The following PRKG1 variants were observed in gnomAD, a reference collection of about 807,000 sequenced individuals.
PRKG1 encodes the protein protein kinase cGMP-dependent 1.
Under a neutral mutation model 88.1 loss-of-function variants are expected in PRKG1, and 35 were observed. That is an observed-to-expected ratio of 0.40 (90% CI 0.30 to 0.53). The LOEUF (loss-of-function observed/expected upper bound fraction) is 0.53, where lower values mean the gene tolerates loss of function less well. PRKG1 is among the 20% of genes least tolerant of loss of function. The probability of loss-of-function intolerance (pLI) is 0.59; values close to 1 mark genes in which losing one functional copy is unlikely to be tolerated. For missense variants in PRKG1, 540 were observed against 839.8 expected (o/e 0.64, Z 4.41); for synonymous variants, 303 against 292.5 (o/e 1.04, Z -0.37).
At chr10:51,318,974 A>G (rs1841388699) in intron 2 of PRKG1, among the ~76,000 whole-genome samples, 1 of 152,236 alleles carries the variant, frequency 6.6e-6, no homozygotes. Flanking sequence ...CACTTCATGC[A>G]TAACTGCTGG....
intron 2 of PRKG1, among the ~76,000 whole-genome samples, chr10:51,368,122 T>C (rs188466736): frequency 1.7e-4 from 26 of 152,166 alleles, no homozygotes; most frequent in African/African-American, 5.3e-4. Context: ...CTTATGCAGT[T>C]TTATCTAATA....
At chr10:51,218,968 T>C (rs1158110180) in intron 2 of PRKG1, among the ~76,000 whole-genome samples, 2 of 152,144 alleles carry the variant, frequency 1.3e-5, no homozygotes, top group Non-Finnish European at 2.9e-5. Flanking sequence ...CTTGGGCAAG[T>C]TATTTAACCT....
intron 17 of PRKG1, among the ~76,000 whole-genome samples, chr10:52,292,402 C>A (rs1241698981): frequency 6.6e-6 from 1 of 151,836 alleles, no homozygotes; most frequent in African/African-American, 2.4e-5. Flanking sequence ...TTAGGTCTAA[C>A]GTTTAAGTCT....
intron 17 of PRKG1, among the ~76,000 whole-genome samples, chr10:52,292,358 A>G (rs1842269330): frequency 6.6e-6 from 1 of 151,936 alleles, no homozygotes; most frequent in Non-Finnish European, 1.5e-5. Context: ...CCTGAATGGT[A>G]ATGCCTAGGT....
chr10:51,552,739 T>A (rs577629596), intron 3 of PRKG1, among the ~76,000 whole-genome samples: 3 of 151,648 alleles, frequency 2.0e-5, no homozygotes, highest in Non-Finnish European at 4.4e-5. Flanking sequence ...CAGGCTGTTG[T>A]GAAATCAAGT....
At chr10:51,439,100 A>G (rs1392430998) in intron 2 of PRKG1, among the ~76,000 whole-genome samples, 1 of 151,722 alleles carries the variant, frequency 6.6e-6, no homozygotes, top group Non-Finnish European at 1.5e-5. Context: ...TTAGTCAAAT[A>G]GGTAGTTGCA....
intron 7 of PRKG1, among the ~76,000 whole-genome samples, chr10:52,115,458 A>G (rs528310303): frequency 2.2e-4 from 33 of 152,234 alleles, no homozygotes; most frequent in African/African-American, 7.5e-4. Flanking sequence ...CCTATACACA[A>G]TACTTCTCAT....
At chr10:51,412,417 G>A (rs928529405) in intron 2 of PRKG1, among the ~76,000 whole-genome samples, 2 of 152,004 alleles carry the variant, frequency 1.3e-5, no homozygotes, top group African/African-American at 4.8e-5. Flanking sequence ...AGATAAGGCA[G>A]GTAGATCATG....
chr10:52,124,504 A>C (rs1847888102), intron 7 of PRKG1, among the ~76,000 whole-genome samples: 2 of 152,304 alleles, frequency 1.3e-5, no homozygotes, highest in Middle Eastern at 6.8e-3. Context: ...CAGGACTATA[A>C]GTTGCTGTGG....
chr10:51,844,114 ATGCATCATT>A (rs1329383832), intron 4 of PRKG1, among the ~76,000 whole-genome samples: 1 of 152,086 alleles, frequency 6.6e-6, no homozygotes, highest in East Asian at 1.9e-4. Flanking sequence ...ATTTTTGTCA[ATGCATCATT>A]TGACAGAGGG....
intron 5 of PRKG1, among the ~76,000 whole-genome samples, chr10:51,915,386 G>C (rs1842317020): frequency 6.6e-6 from 1 of 152,214 alleles, no homozygotes; most frequent in Non-Finnish European, 1.5e-5. Flanking sequence ...AGCTGGAAGA[G>C]ATTAAAAGTT....
chr10:51,986,630 C>A (rs1335939210), intron 5 of PRKG1, among the ~76,000 whole-genome samples: 2 of 152,270 alleles, frequency 1.3e-5, no homozygotes, highest in Admixed American at 6.5e-5. Flanking sequence ...ATCACCTGCT[C>A]CAACATGAAC....
chr10:51,705,123 C>CT (rs1841574176), intron 3 of PRKG1, among the ~76,000 whole-genome samples: 1 of 152,120 alleles, frequency 6.6e-6, no homozygotes, highest in Non-Finnish European at 1.5e-5. Context: ...CACCTCCTAG[C>CT]TTTTTGTGAT....
At chr10:51,916,271 A>C (rs2132967689) in intron 5 of PRKG1, among the ~76,000 whole-genome samples, 1 of 152,290 alleles carries the variant, frequency 6.6e-6, no homozygotes, top group South Asian at 2.1e-4. Context: ...AACCCAGCTA[A>C]AACCCACCAA....
At chr10:51,275,054 C>G (rs1246160374) in intron 2 of PRKG1, among the ~76,000 whole-genome samples, 2 of 152,204 alleles carry the variant, frequency 1.3e-5, no homozygotes, top group Admixed American at 6.5e-5. Context: ...ATGACTCAGT[C>G]TTTCTAACAG....
intron 3 of PRKG1, chr10:51,697,920 G>T: frequency 6.2e-7 from 1 of 1,602,848 alleles, no homozygotes; most frequent in Non-Finnish European, 8.5e-7. Flanking sequence ...CCTCCTCCTT[G>T]TATACCTCCT....
intron 9 of PRKG1, among the ~76,000 whole-genome samples, chr10:52,176,766 T>A (rs2132720264): frequency 6.6e-6 from 1 of 152,290 alleles, no homozygotes; most frequent in East Asian, 1.9e-4. Flanking sequence ...TTTATTTTAT[T>A]GTAGCTATTG....
intron 1 of PRKG1, among the ~76,000 whole-genome samples, chr10:51,106,433 G>T (rs10822230): frequency 0.29 from 44,731 of 151,862 alleles, 6,870 homozygotes; most frequent in African/African-American, 0.37. Context: ...TCTTTTTTTC[G>T]GGACTGAGAA....
chr10:51,841,815 TG>T (rs1840283816), intron 4 of PRKG1, among the ~76,000 whole-genome samples: 1 of 152,132 alleles, frequency 6.6e-6, no homozygotes, highest in Non-Finnish European at 1.5e-5. Flanking sequence ...CCTGAGTAGC[TG>T]GGATTATAGA....
Sources: allele counts gnomAD v4.1 joint callset (sites outside exome capture counted in the v4.1 genomes callset), GRCh38; gene constraint gnomAD v4.1.1; transcripts MANE v1.5; gene names NCBI Gene and HGNC (gene_info 2026-07-23, HGNC 2026-07-21).